KIAA1217: variants seen among roughly 807,000 people sequenced by gnomAD.
KIAA1217 encodes sickle tail protein homolog.
In KIAA1217, 88 loss-of-function variants were observed where a neutral mutation model predicts 163.9. The observed-to-expected ratio is 0.54, with a 90% CI of 0.45 to 0.64. The LOEUF (loss-of-function observed/expected upper bound fraction) is 0.64. Among genes scored for constraint, KIAA1217 ranks in the 30% least tolerant of loss-of-function variants. The pLI, the probability that KIAA1217 is intolerant of heterozygous loss-of-function variation, is 0.00. For missense variants in KIAA1217, 2,372 were observed against 2,475.0 expected (o/e 0.96, Z 0.88); for synonymous variants, 903 against 923.1 (o/e 0.98, Z 0.39).
intron 2 of KIAA1217, among the ~76,000 whole-genome samples, chr10:24,331,450 A>G (rs1184806272): frequency 1.3e-5 from 2 of 152,258 alleles, no homozygotes; most frequent in Non-Finnish European, 2.9e-5. Context: ...GGAAGCAGCT[A>G]TCAATGCAGA....
chr10:24,448,078 C>T lies in KIAA1217; in HGVS notation c.846+9599C>T, dbSNP rs570508941. The stretch of plus-strand genomic sequence containing the variant: ...CCCGGAGGCAGAGATTGCAGTGAGC[C>T]AAGATCACACCACTGTACTCCAGCC... On this transcript the variant is annotated intron_variant, in intron 5 of 20. Coordinates refer to ENST00000376454, the MANE Select transcript of KIAA1217 (RefSeq NM_019590.5). Among the ~76,000 whole-genome samples, 8 of 152,078 alleles carry T rather than the reference C, an allele frequency of 5.3e-5. 1 individual carries two copies. The highest frequency in any genetic ancestry group is 4.6e-4 in the Admixed American group (7 of 15,282).
At chr10:23,723,858 G>A (rs1837994259) in intron 1 of KIAA1217, among the ~76,000 whole-genome samples, 1 of 152,084 alleles carries the variant, frequency 6.6e-6, no homozygotes. Flanking sequence ...AAATATCTGC[G>A]ACTGGTAATT....
intron 1 of KIAA1217, among the ~76,000 whole-genome samples, chr10:23,886,356 T>C (rs958927463): frequency 1.3e-5 from 2 of 151,968 alleles, no homozygotes; most frequent in Admixed American, 1.3e-4. Flanking sequence ...TTGTCTCCAG[T>C]GTCCACGTAT....
intron 1 of KIAA1217, among the ~76,000 whole-genome samples, chr10:23,734,450 C>T (rs555524223): frequency 6.6e-6 from 1 of 151,876 alleles, no homozygotes. Context: ...CAACGCCTGG[C>T]TAATTTTTTT....
chr10:24,423,204 A>G (rs762693108), intron 3 of KIAA1217, among the ~76,000 whole-genome samples: 38 of 152,120 alleles, frequency 2.5e-4, no homozygotes, highest in Admixed American at 9.8e-4. Context: ...GGTGTGAGCC[A>G]CTGCCCCTGG....
chr10:24,221,702 G>C (rs917064601), intron 2 of KIAA1217, among the ~76,000 whole-genome samples: 3 of 152,134 alleles, frequency 2.0e-5, no homozygotes, highest in Admixed American at 2.0e-4. Flanking sequence ...AAAGAATCCT[G>C]GTTGCTATAA....
intron 2 of KIAA1217, among the ~76,000 whole-genome samples, chr10:24,249,994 C>T (rs1037622025): frequency 2.0e-5 from 3 of 152,190 alleles, no homozygotes; most frequent in Non-Finnish European, 2.9e-5. Context: ...TGAAGTTCTC[C>T]TCTGCACCTC....
intron 5 of KIAA1217, chr10:24,449,523 A>G: frequency 1.0e-6 from 1 of 985,344 alleles, no homozygotes; most frequent in African/African-American, 1.7e-5. Context: ...ACTCAGAATT[A>G]ACTTTCATAG....
chr10:24,224,209 AG>A (rs2070121590), intron 2 of KIAA1217, among the ~76,000 whole-genome samples: 1 of 152,226 alleles, frequency 6.6e-6, no homozygotes, highest in Non-Finnish European at 1.5e-5. Context: ...CAGGGCAGTC[AG>A]GCTGTACAGC....
intron 1 of KIAA1217, among the ~76,000 whole-genome samples, chr10:23,702,296 T>A (rs1228443539): frequency 6.6e-6 from 1 of 152,112 alleles, no homozygotes; most frequent in Non-Finnish European, 1.5e-5. Flanking sequence ...AATCATACAA[T>A]GAGACAATGA....
intron 1 of KIAA1217, among the ~76,000 whole-genome samples, chr10:23,986,668 G>A (rs1443015333): frequency 6.6e-6 from 1 of 152,168 alleles, no homozygotes; most frequent in Non-Finnish European, 1.5e-5. Context: ...TCTATGTCAT[G>A]TCGCAAATGT....
chr10:24,271,735 A>C (rs536822714), intron 2 of KIAA1217, among the ~76,000 whole-genome samples: 1 of 152,036 alleles, frequency 6.6e-6, no homozygotes, highest in South Asian at 2.1e-4. Flanking sequence ...CCTGGGTGAC[A>C]GAGTGAGACC....
At chr10:24,098,822 A>T (rs1331917490) in intron 2 of KIAA1217, among the ~76,000 whole-genome samples, 1 of 151,934 alleles carries the variant, frequency 6.6e-6, no homozygotes, top group Non-Finnish European at 1.5e-5. Context: ...GTCTCTGAAA[A>T]AAAAAGTTTT....
At chr10:24,089,284 A>T (rs1412564289) in intron 2 of KIAA1217, among the ~76,000 whole-genome samples, 1 of 124,930 alleles carries the variant, frequency 8.0e-6, no homozygotes, top group African/African-American at 2.5e-5. Flanking sequence ...TGCTGTGCAG[A>T]AGCTCTTTAG....
chr10:24,307,901 T>C (rs2042189583), intron 2 of KIAA1217, among the ~76,000 whole-genome samples: 2 of 152,324 alleles, frequency 1.3e-5, no homozygotes, highest in Middle Eastern at 3.4e-3. Context: ...AAATAACTGC[T>C]GAGTGCTTTG....
At chr10:24,513,234 G>A (rs762600165) in intron 9 of KIAA1217, 25 bp from the exon 10 acceptor site, 3 of 1,611,184 alleles carry the variant, frequency 1.9e-6, no homozygotes, top group South Asian at 2.2e-5. Flanking sequence ...AGAGCCCACT[G>A]AGGTTGATTT....
chr10:24,488,369 A>C (rs894124327), intron 6 of KIAA1217, among the ~76,000 whole-genome samples: 2 of 152,186 alleles, frequency 1.3e-5, no homozygotes, highest in Admixed American at 1.3e-4. Context: ...ATTCCAAAGC[A>C]GGGGAGATAC....
intron 8 of KIAA1217, among the ~76,000 whole-genome samples, chr10:24,497,289 A>G (rs1435204660): frequency 6.6e-6 from 1 of 152,190 alleles, no homozygotes; most frequent in East Asian, 1.9e-4. Flanking sequence ...GAACAGATGG[A>G]ACCTCCCATC....
At chr10:24,121,390 A>T (rs2063276456) in intron 2 of KIAA1217, among the ~76,000 whole-genome samples, 1 of 152,188 alleles carries the variant, frequency 6.6e-6, no homozygotes, top group Admixed American at 6.5e-5. Flanking sequence ...CTGCAGGGTT[A>T]TGGGAATGAT....
Sources: gnomAD v4.1 joint callset for allele counts (sites outside exome capture counted in the v4.1 genomes callset) on GRCh38, gnomAD v4.1.1 for gene constraint, MANE v1.5 for transcripts, NCBI Gene and HGNC (gene_info 2026-07-23, HGNC 2026-07-21) for gene names.